The following METTL24 variants were observed in gnomAD, a reference collection of about 807,000 sequenced individuals.
METTL24 encodes the protein methyltransferase like 24.
In METTL24, 29 loss-of-function variants were observed where a neutral mutation model predicts 32.7. That is an observed-to-expected ratio of 0.89 (90% CI 0.66 to 1.21). METTL24 has a LOEUF of 1.21. METTL24 is among the 50% of genes most tolerant of loss of function. METTL24 has a pLI of 0.00. For missense variants in METTL24, 439 were observed against 468.1 expected, an observed-to-expected ratio of 0.94 and a Z score of 0.57; for synonymous variants, 163 against 179.5, an observed-to-expected ratio of 0.91 and a Z score of 0.73.
intron 1 of METTL24, chr6:110,332,557 C>CT: frequency 6.0e-6 from 5 of 829,136 alleles, no homozygotes; most frequent in Non-Finnish European, 7.3e-6. Flanking sequence ...ATTGAGGTAG[C>CT]ACATCAACCT....
chr6:110,298,233 A>G (rs965211070), intron 4 of METTL24, among the ~76,000 whole-genome samples: 6 of 152,242 alleles, frequency 3.9e-5, no homozygotes, highest in Admixed American at 1.3e-4. Flanking sequence ...AACTGCACTC[A>G]GGAGAAATTC....
intron 3 of METTL24, among the ~76,000 whole-genome samples, chr6:110,311,574 A>G (rs1420631555): frequency 6.7e-6 from 1 of 149,518 alleles, no homozygotes; most frequent in Non-Finnish European, 1.5e-5. Flanking sequence ...CCTGGGTTCA[A>G]GTGATTCTCC....
chr6:110,312,767 C>G (rs924627570), intron 3 of METTL24, among the ~76,000 whole-genome samples: 2 of 152,086 alleles, frequency 1.3e-5, no homozygotes, highest in Admixed American at 6.5e-5. Context: ...AAAGTGTTAC[C>G]GGTGCAGGGG....
chr6:110,258,789 T>TACACACACACACACAC (rs146964745), intron 4 of METTL24, among the ~76,000 whole-genome samples: 1 of 145,802 alleles, frequency 6.9e-6, no homozygotes, highest in African/African-American at 2.5e-5. Context: ...TAGATGCATT[T>TACACACACACACACAC]ACACACACAC....
chr6:110,302,042 G>C (rs753122728), intron 3 of METTL24, among the ~76,000 whole-genome samples: 1 of 152,116 alleles, frequency 6.6e-6, no homozygotes, highest in African/African-American at 2.4e-5. Flanking sequence ...TTAGGAGGCC[G>C]AGGTGGGCAG....
At chr6:110,262,632 T>G (rs1170614653) in intron 4 of METTL24, among the ~76,000 whole-genome samples, 2 of 152,136 alleles carry the variant, frequency 1.3e-5, no homozygotes, top group East Asian at 3.9e-4. Context: ...GCCAGCATCA[T>G]CCTGATACCA....
intron 3 of METTL24, among the ~76,000 whole-genome samples, chr6:110,311,811 G>A (rs565333849): frequency 1.3e-5 from 2 of 152,124 alleles, no homozygotes; most frequent in East Asian, 1.9e-4. Context: ...AATTTTCAAC[G>A]GTAAACATTT....
chr6:110,305,481 G>GA (rs1394126898), intron 3 of METTL24, among the ~76,000 whole-genome samples: 1 of 151,096 alleles, frequency 6.6e-6, no homozygotes, highest in Non-Finnish European at 1.5e-5. Flanking sequence ...AAATTTACAA[G>GA]AAAAAAACAA....
intron 1 of METTL24, among the ~76,000 whole-genome samples, chr6:110,347,897 T>C (rs983245168): frequency 2.6e-5 from 4 of 152,156 alleles, no homozygotes; most frequent in Non-Finnish European, 4.4e-5. Flanking sequence ...CTAACAAAAA[T>C]ATACTAGTTA....
At chr6:110,320,572 C>T (rs1007934419) in intron 2 of METTL24, among the ~76,000 whole-genome samples, 4 of 152,174 alleles carry the variant, frequency 2.6e-5, no homozygotes, top group Non-Finnish European at 4.4e-5. Flanking sequence ...CGGAATTTTA[C>T]GTCATTCTTT....
At chr6:110,261,967 G>A (rs141243613) in intron 4 of METTL24, among the ~76,000 whole-genome samples, 10,907 of 152,120 alleles carry the variant, frequency 0.072, 577 homozygotes, top group African/African-American at 0.16. Context: ...ATTTAAAGCA[G>A]TGTGTAGAGG....
intron 1 of METTL24, among the ~76,000 whole-genome samples, chr6:110,339,898 G>A (rs1772318206): frequency 6.6e-6 from 1 of 152,198 alleles, no homozygotes; most frequent in African/African-American, 2.4e-5. Flanking sequence ...CCAGAGTAAT[G>A]TTGGTGCCTA....
At chr6:110,263,748 G>A (rs1326354205) in intron 4 of METTL24, among the ~76,000 whole-genome samples, 2 of 152,152 alleles carry the variant, frequency 1.3e-5, no homozygotes, top group African/African-American at 4.8e-5. Context: ...AACCAAAACA[G>A]CATGGTACTG....
chr6:110,299,057 A>C lies in METTL24; in HGVS notation c.651T>G (p.Ile217Met), dbSNP rs1361270737. 3.1e-6 allele frequency: 5 copies of C among 1,614,082 alleles called. No homozygotes were observed. The highest frequency in any genetic ancestry group is 4.2e-6 in the Non-Finnish European group (5 of 1,180,038). Reference protein sequence around the residue: ...RFDPSVKSAHILESQHLWYHR... With the variant: ...RFDPSVKSAHMLESQHLWYHR... The stretch of plus-strand genomic sequence containing the variant: ...GATACCAAAGGTGCTGACTCTCCAG[A>C]ATGTGAGCTGACTTGACACTAGGAT... Residue 217 changes from isoleucine to methionine, a missense_variant, in exon 4 of 5, where the codon ATT (isoleucine) becomes ATG (methionine). By Grantham distance (10) the Ile-to-Met change is conservative. Coordinates refer to ENST00000338882, the MANE Select transcript of METTL24 (RefSeq NM_001123364.3).
chr6:110,285,644 C>A (rs1249582922), intron 4 of METTL24, among the ~76,000 whole-genome samples: 1 of 152,120 alleles, frequency 6.6e-6, no homozygotes, highest in Non-Finnish European at 1.5e-5. Flanking sequence ...TTTTTTAACA[C>A]TCATAAAGGA....
chr6:110,323,071 A>G (rs922915749), intron 1 of METTL24, among the ~76,000 whole-genome samples, 199 bp from the exon 2 acceptor site: 47 of 152,288 alleles, frequency 3.1e-4, no homozygotes, highest in Admixed American at 2.3e-3. Context: ...GAGGCCGGAG[A>G]CAGCACAACT....
chr6:110,294,155 G>T (rs190006537), intron 4 of METTL24, among the ~76,000 whole-genome samples: 206 of 152,030 alleles, frequency 1.4e-3, no homozygotes, highest in African/African-American at 4.4e-3. Flanking sequence ...AGAGATAAGT[G>T]TATGGTGAGA....
intron 3 of METTL24, among the ~76,000 whole-genome samples, chr6:110,314,585 T>C (rs114095460): frequency 4.3e-4 from 65 of 152,344 alleles, no homozygotes; most frequent in African/African-American, 1.5e-3. Context: ...TAACTAGATA[T>C]AGATTTATCA....
At chr6:110,292,648 G>T (rs1771339395) in intron 4 of METTL24, among the ~76,000 whole-genome samples, 1 of 151,734 alleles carries the variant, frequency 6.6e-6, no homozygotes, top group Admixed American at 6.6e-5. Flanking sequence ...GTTTTACCAT[G>T]TGGAAATTTT....
Sources: gnomAD v4.1 joint callset for allele counts (sites outside exome capture counted in the v4.1 genomes callset) on GRCh38, gnomAD v4.1.1 for gene constraint, MANE v1.5 for transcripts, NCBI Gene and HGNC (gene_info 2026-07-23, HGNC 2026-07-21) for gene names.